Variants in EML1 observed in about 807,000 individuals in gnomAD.
The protein encoded by EML1 is EMAP like 1, also known as echinoderm microtubule-associated protein-like 1.
Under a neutral mutation model 110.4 loss-of-function variants are expected in EML1, and 27 were observed. The observed-to-expected ratio is 0.24, with a 90% CI of 0.18 to 0.34. The LOEUF (loss-of-function observed/expected upper bound fraction) is 0.34. Ranked by LOEUF, EML1 falls within the 10% of genes least tolerant of loss-of-function variation. EML1 has a pLI of 1.00. For synonymous variants in EML1, 344 were observed against 385.8 expected (o/e 0.89, Z 1.27); for missense variants, 741 against 1,030.9 (o/e 0.72, Z 3.85).
Position 99,905,245 on chromosome 14 carries a change from A to G in EML1, c.1009-2393A>G, listed in dbSNP as rs1391785323. 6.6e-6 allele frequency among the ~76,000 whole-genome samples: 1 copy of G among 152,218 alleles called. No individual in the cohort carries two copies. Among genetic ancestry groups the G allele is most frequent in the Admixed American group, 6.5e-5 (1 of 15,282 alleles). On this transcript the variant is annotated intron_variant, in intron 9 of 21. Coordinates refer to ENST00000262233, the MANE Select transcript of EML1 (RefSeq NM_004434.3). This position sits in a 1 kb window ranked among gnomAD's most constrained non-coding sequence, Gnocchi z 4.1. Reference sequence around the variant, plus strand: ...CAGAGCAAAATATGTGTGACAAAACATAGATATTAGCCATTCAGCTCAGCA... The same window carrying G: ...CAGAGCAAAATATGTGTGACAAAACGTAGATATTAGCCATTCAGCTCAGCA...
chr14:99,738,270 T>C (rs2056993656), intron 1 of EML1, among the ~76,000 whole-genome samples: 1 of 152,164 alleles, frequency 6.6e-6, no homozygotes. Flanking sequence ...TCCGTCTGAT[T>C]CCCCAAGTCT....
chr14:99,914,432 T>A, intron 14 of EML1, 128 bp downstream of exon 14: 1 of 1,528,982 alleles, frequency 6.5e-7, no homozygotes, highest in Admixed American at 2.1e-5. Flanking sequence ...CTGTGGCTGC[T>A]GAAAGATGGG....
intron 1 of EML1, among the ~76,000 whole-genome samples, chr14:99,776,928 C>T (rs764072755): frequency 7.9e-5 from 12 of 152,208 alleles, no homozygotes; most frequent in Non-Finnish European, 1.5e-4. Context: ...AAGACCTCAA[C>T]TGATTTCAAA....
upstream of EML1, among the ~76,000 whole-genome samples, chr14:99,790,486 C>G (rs542709839): frequency 6.7e-6 from 1 of 148,328 alleles, no homozygotes; most frequent in African/African-American, 2.5e-5. Flanking sequence ...TACAGGCACA[C>G]ACCACCACAC....
chr14:99,776,593 T>G (rs2057485714), intron 1 of EML1, among the ~76,000 whole-genome samples: 1 of 151,954 alleles, frequency 6.6e-6, no homozygotes, highest in African/African-American at 2.4e-5. Context: ...TTATTGGATA[T>G]AACTAGCTTT....
rs1408664964 is a variant in EML1, at chr14:99,784,626, T to C, written c.-27+10613T>C. ...ATTCTGCAGTGTTGACATTGTGTAA[T>C]AGGATAATGAAGCTGGAGAGGCCCT... On this transcript the variant is annotated intron_variant, in intron 1 of 22. Transcript: ENST00000327921. This position sits in a 1 kb window ranked among gnomAD's most constrained non-coding sequence, Gnocchi z 4.5. Among the ~76,000 whole-genome samples, 1 of 152,198 alleles carries C rather than the reference T, an allele frequency of 6.6e-6. No homozygotes were observed. The highest frequency in any genetic ancestry group is 1.5e-5 in the Non-Finnish European group (1 of 68,038).
At chr14:99,823,527 T>C (rs1205575545) in intron 1 of EML1, among the ~76,000 whole-genome samples, 8 of 152,078 alleles carry the variant, frequency 5.3e-5, no homozygotes, top group African/African-American at 1.9e-4. Context: ...GTCTTGATCA[T>C]TGTAGAAACA....
At chr14:99,876,314 C>T (rs1429015021) in intron 3 of EML1, among the ~76,000 whole-genome samples, 1 of 152,150 alleles carries the variant, frequency 6.6e-6, no homozygotes, top group Non-Finnish European at 1.5e-5. Flanking sequence ...TCAGCTCCTG[C>T]GTGCTCCTTG....
intron 1 of EML1, among the ~76,000 whole-genome samples, chr14:99,748,084 C>T (rs2057133307): frequency 6.6e-6 from 1 of 152,142 alleles, no homozygotes; most frequent in African/African-American, 2.4e-5. Context: ...CGGAATTCGC[C>T]CGGGATGCCC....
intron 1 of EML1, among the ~76,000 whole-genome samples, chr14:99,767,037 G>A (rs2057375040): frequency 6.6e-6 from 1 of 152,230 alleles, no homozygotes; most frequent in African/African-American, 2.4e-5. Flanking sequence ...TTCCCCCACC[G>A]CATAATATTT....
At chr14:99,903,432 G>C (rs1165651060) in intron 9 of EML1, among the ~76,000 whole-genome samples, 1 of 152,078 alleles carries the variant, frequency 6.6e-6, no homozygotes, top group Admixed American at 6.5e-5. Context: ...TTTTAAATAG[G>C]ACCAAAACAA....
intron 1 of EML1, among the ~76,000 whole-genome samples, chr14:99,801,363 C>T (rs971802131): frequency 6.6e-6 from 1 of 152,164 alleles, no homozygotes; most frequent in Admixed American, 6.5e-5. Flanking sequence ...TGCCTGTAAT[C>T]CCAGCACTTT....
At chr14:99,753,508 G>C (rs773648431) in intron 1 of EML1, among the ~76,000 whole-genome samples, 1 of 151,792 alleles carries the variant, frequency 6.6e-6, no homozygotes, top group Non-Finnish European at 1.5e-5. Flanking sequence ...CTCCCTTCCT[G>C]GAACACCTTG....
At chr14:99,820,211 C>G (rs912157974) in intron 1 of EML1, among the ~76,000 whole-genome samples, 4 of 152,194 alleles carry the variant, frequency 2.6e-5, no homozygotes, top group African/African-American at 9.7e-5. Flanking sequence ...TTAGCTCTAC[C>G]TATACATGGG....
At chr14:99,780,660 G>A (rs999442385) in intron 1 of EML1, among the ~76,000 whole-genome samples, 1 of 152,124 alleles carries the variant, frequency 6.6e-6, no homozygotes, top group African/African-American at 2.4e-5. Context: ...GTCAGGGATG[G>A]ACTGCACGTA....
chr14:99,935,985 G>C, intron 17 of EML1, 44 bp from the exon 18 acceptor site: 7 of 1,562,404 alleles, frequency 4.5e-6, no homozygotes, highest in Non-Finnish European at 6.1e-6. Flanking sequence ...CGAACAAAAT[G>C]TGTATTGTTA....
intron 1 of EML1, among the ~76,000 whole-genome samples, chr14:99,743,708 G>A (rs549901199): frequency 1.6e-4 from 24 of 152,276 alleles, no homozygotes; most frequent in African/African-American, 5.1e-4. Flanking sequence ...CACATGACTG[G>A]GGGCCCCACG....
chr14:99,815,528 G>C (rs144993553), intron 1 of EML1, among the ~76,000 whole-genome samples: 380 of 152,210 alleles, frequency 2.5e-3, no homozygotes, highest in Non-Finnish European at 3.4e-3. Context: ...ATTTATTTTA[G>C]AGAAAATTGT....
intron 1 of EML1, among the ~76,000 whole-genome samples, chr14:99,850,639 A>G (rs1325256644): frequency 6.6e-6 from 1 of 152,150 alleles, no homozygotes; most frequent in Non-Finnish European, 1.5e-5. Context: ...GAAGAGTGCA[A>G]ATGTAGAGAA....
Sources: gnomAD v4.1 joint callset for allele counts (sites outside exome capture counted in the v4.1 genomes callset) on GRCh38, gnomAD v4.1.1 for gene constraint, Gnocchi (gnomAD v3.1) non-coding constraint, MANE v1.5 for transcripts, NCBI Gene and HGNC (gene_info 2026-07-23, HGNC 2026-07-21) for gene names.